CTNNA3: variants seen among roughly 807,000 people sequenced by gnomAD.
CTNNA3 encodes catenin alpha-3.
A neutral mutation model predicts 95.7 loss-of-function variants in CTNNA3; 76 were observed. The ratio of observed to expected loss-of-function variants is 0.79; its 90% CI spans 0.66 to 0.96. CTNNA3 has a LOEUF of 0.96. Ranked by LOEUF, CTNNA3 falls within the 40% of genes least tolerant of loss-of-function variation. CTNNA3 has a pLI of 0.00. For synonymous variants in CTNNA3, 431 were observed against 374.4 expected (o/e 1.15, Z -1.74); for missense variants, 1,191 against 1,089.8 (o/e 1.09, Z -1.31).
chr10:66,328,933 T>TATATATATATATATATATATATATATAC (rs59003281), intron 12 of CTNNA3, among the ~76,000 whole-genome samples: 108 of 115,238 alleles, frequency 9.4e-4, no homozygotes, highest in South Asian at 2.4e-3. Context: ...TATATATATA[T>TATATATATATATATATATATATATATAC]ACACACACAC....
chr10:67,260,787 C>A (rs541200305), intron 5 of CTNNA3, among the ~76,000 whole-genome samples: 89 of 152,014 alleles, frequency 5.9e-4, no homozygotes, highest in African/African-American at 2.1e-3. Context: ...TGGGTTCAAG[C>A]GATTCTCTCG....
chr10:66,791,817 G>T (rs1840980579), intron 7 of CTNNA3, among the ~76,000 whole-genome samples: 1 of 151,898 alleles, frequency 6.6e-6, no homozygotes, highest in Non-Finnish European at 1.5e-5. Flanking sequence ...TCTCATCAGA[G>T]TTAGCAGTAG....
chr10:66,644,762 T>TG, intron 9 of CTNNA3, among the ~76,000 whole-genome samples: 1 of 152,064 alleles, frequency 6.6e-6, no homozygotes, highest in Non-Finnish European at 1.5e-5. Flanking sequence ...TAGTGTGGTA[T>TG]GGGTGGGTGT....
At chr10:67,442,567 T>G (rs544434068) in intron 5 of CTNNA3, among the ~76,000 whole-genome samples, 1 of 152,130 alleles carries the variant, frequency 6.6e-6, no homozygotes, top group African/African-American at 2.4e-5. Flanking sequence ...GTAGCTATAC[T>G]TACATCAGAC....
chr10:67,507,575 T>C lies in CTNNA3; in HGVS notation c.579+14267A>G, dbSNP rs200872412. 2.1e-5 allele frequency among the ~76,000 whole-genome samples: 3 copies of C among 145,132 alleles called. No homozygotes were observed. The East Asian group carries it at 6.0e-4, about 29-fold the overall frequency. ...GAAACAAAGAAAAAAAAAAAGAAAA[T>C]TAAATCAATAATTAAAAAGTCTCAT... On this transcript the variant is annotated intron_variant, in intron 5 of 17. Coordinates refer to ENST00000433211, the MANE Select transcript of CTNNA3 (RefSeq NM_013266.4).
At chr10:67,354,688 C>A (rs1475755026) in intron 5 of CTNNA3, among the ~76,000 whole-genome samples, 2 of 151,740 alleles carry the variant, frequency 1.3e-5, no homozygotes, top group African/African-American at 2.4e-5. Flanking sequence ...GCAAAAGTAT[C>A]CATATTAATA....
intron 7 of CTNNA3, among the ~76,000 whole-genome samples, chr10:67,027,860 T>C (rs1008540788): frequency 3.9e-5 from 6 of 152,232 alleles, no homozygotes; most frequent in Admixed American, 3.9e-4. Flanking sequence ...GATAGATATT[T>C]GCTGTTTGCT....
chr10:67,204,046 T>A (rs953965544), intron 6 of CTNNA3, among the ~76,000 whole-genome samples: 3 of 152,152 alleles, frequency 2.0e-5, no homozygotes, highest in African/African-American at 7.2e-5. Flanking sequence ...GAAGAAAATA[T>A]GAACTTAGGA....
chr10:67,269,032 C>A (rs1408909876), intron 5 of CTNNA3, among the ~76,000 whole-genome samples: 1 of 152,102 alleles, frequency 6.6e-6, no homozygotes, highest in Non-Finnish European at 1.5e-5. Flanking sequence ...AAAATAGTAT[C>A]ATAAAGCATG....
At chr10:66,913,089 A>G (rs984002404) in intron 7 of CTNNA3, among the ~76,000 whole-genome samples, 8 of 151,788 alleles carry the variant, frequency 5.3e-5, no homozygotes, top group Admixed American at 3.9e-4. Flanking sequence ...AATACAAAAA[A>G]TTAGCCGGGC....
intron 7 of CTNNA3, among the ~76,000 whole-genome samples, chr10:67,095,357 A>G (rs1411514129): frequency 6.6e-6 from 1 of 151,858 alleles, no homozygotes; most frequent in African/African-American, 2.4e-5. Context: ...ATGTGGATTT[A>G]TATTTAAACA....
chr10:66,960,919 G>GT (rs1449221595), intron 7 of CTNNA3, among the ~76,000 whole-genome samples: 4 of 152,188 alleles, frequency 2.6e-5, no homozygotes, highest in East Asian at 3.9e-4. Flanking sequence ...TGGTTCTTAA[G>GT]TTTTTTTGCT....
chr10:67,089,325 T>C lies in CTNNA3; in HGVS notation c.1047+90992A>G, dbSNP rs913322407. Among the ~76,000 whole-genome samples, 11 of 152,122 alleles carry C rather than the reference T, an allele frequency of 7.2e-5. No individual in the cohort carries two copies. The South Asian group carries it at 2.1e-3, about 29-fold the overall frequency. Reference sequence around the variant, plus strand: ...AATGTTAGGTGTTTAAATTTAAAGATAGACAACATAAATTCAGGCTCTTAA... The same window carrying C: ...AATGTTAGGTGTTTAAATTTAAAGACAGACAACATAAATTCAGGCTCTTAA... On this transcript the variant is annotated intron_variant, in intron 7 of 17. Transcript: ENST00000433211.
At chr10:66,739,841 C>T (rs1299236295) in intron 9 of CTNNA3, among the ~76,000 whole-genome samples, 2 of 152,100 alleles carry the variant, frequency 1.3e-5, no homozygotes, top group African/African-American at 2.4e-5. Context: ...CAAACATATA[C>T]ATAAAATATA....
At chr10:67,303,432 C>T (rs1478656271) in intron 5 of CTNNA3, among the ~76,000 whole-genome samples, 1 of 152,224 alleles carries the variant, frequency 6.6e-6, no homozygotes, top group Admixed American at 6.5e-5. Context: ...ACATTACAGC[C>T]TTCCAGGCTG....
chr10:66,361,768 G>A (rs12784625), intron 12 of CTNNA3, among the ~76,000 whole-genome samples: 14,827 of 151,252 alleles, frequency 0.098, 962 homozygotes, highest in South Asian at 0.18. Flanking sequence ...AAACTCCTGG[G>A]TTCAAGTAAT....
chr10:66,978,059 T>C (rs1564807949), intron 7 of CTNNA3, among the ~76,000 whole-genome samples: 1 of 41,774 alleles, frequency 2.4e-5, no homozygotes. Context: ...CACACATATA[T>C]ATATATATAC....
At chr10:67,132,090 G>C (rs761401427) in intron 7 of CTNNA3, among the ~76,000 whole-genome samples, 2 of 152,088 alleles carry the variant, frequency 1.3e-5, no homozygotes, top group Non-Finnish European at 2.9e-5. Flanking sequence ...AGTGTGAATA[G>C]ACAGACAAGG....
intron 10 of CTNNA3, among the ~76,000 whole-genome samples, chr10:66,615,128 C>G (rs1391264328): frequency 4.0e-5 from 6 of 151,844 alleles, no homozygotes; most frequent in Non-Finnish European, 7.4e-5. Context: ...AACTATGGGC[C>G]CAGGACTCAG....
Sources: allele counts gnomAD v4.1 joint callset (sites outside exome capture counted in the v4.1 genomes callset), GRCh38; gene constraint gnomAD v4.1.1; transcripts MANE v1.5; gene names NCBI Gene and HGNC (gene_info 2026-07-23, HGNC 2026-07-21).